The following TAFA5 variants were observed in gnomAD, a reference collection of about 807,000 sequenced individuals.
The protein encoded by TAFA5 is chemokine-like protein TAFA-5.
TAFA5 carries 6 observed loss-of-function variants against 15.3 expected under a neutral mutation model. The observed-to-expected ratio is 0.39, with a 90% CI of 0.21 to 0.77. TAFA5 has a LOEUF of 0.77. Ranked by LOEUF, TAFA5 falls within the 30% of genes least tolerant of loss-of-function variation. The pLI is 0.41. For synonymous variants in TAFA5, 103 were observed against 80.7 expected, an observed-to-expected ratio of 1.28 and a Z score of -1.48; for missense variants, 161 against 193.1, an observed-to-expected ratio of 0.83 and a Z score of 0.98.
At chr22:48,614,128 C>T (rs541048268) in intron 1 of TAFA5, among the ~76,000 whole-genome samples, 4 of 146,324 alleles carry the variant, frequency 2.7e-5, no homozygotes, top group Admixed American at 2.0e-4. Context: ...TACATCACCC[C>T]TGTCTGCTGG....
chr22:48,510,750 GAAC>G (rs1450376337), intron 1 of TAFA5, among the ~76,000 whole-genome samples: 1 of 152,234 alleles, frequency 6.6e-6, no homozygotes, highest in African/African-American at 2.4e-5. Context: ...CTGGCTTCAG[GAAC>G]AACATCAAGG....
rs1461284044 is a variant in TAFA5, at chr22:48,578,418, G to A, written c.113-68179G>A. ...CTAAAGGACTCTGTTTTTTGGCCAAGAAGAAAGAGTTTCTGTCTCCCAGAT... is the reference window on the plus strand; with the variant it reads ...CTAAAGGACTCTGTTTTTTGGCCAAAAAGAAAGAGTTTCTGTCTCCCAGAT... On this transcript the variant is annotated intron_variant, in intron 1 of 3. Coordinates refer to ENST00000402357, the MANE Select transcript of TAFA5 (RefSeq NM_001082967.3). Among the ~76,000 whole-genome samples the A allele has an allele frequency of 2.0e-5, 3 of 152,348 alleles. No homozygotes were observed. In the East Asian group the frequency reaches 5.8e-4, roughly 29 times the overall value.
At chr22:48,594,382 G>A (rs141550218) in intron 1 of TAFA5, among the ~76,000 whole-genome samples, 123 of 152,268 alleles carry the variant, frequency 8.1e-4, no homozygotes, top group African/African-American at 2.8e-3. Context: ...CTGAGCACCC[G>A]GTGCACATAG....
At chr22:48,703,948 T>C (rs1928997226) in intron 2 of TAFA5, among the ~76,000 whole-genome samples, 1 of 152,228 alleles carries the variant, frequency 6.6e-6, no homozygotes, top group Admixed American at 6.5e-5. Flanking sequence ...TCACTTCACC[T>C]GAGACAGCCC....
chr22:48,702,738 A>AG (rs1359154784), intron 2 of TAFA5, among the ~76,000 whole-genome samples: 2 of 152,162 alleles, frequency 1.3e-5, no homozygotes, highest in Non-Finnish European at 2.9e-5. Flanking sequence ...TTGCGACCAG[A>AG]GGGGAGGCCT....
At chr22:48,741,278 C>A (rs1039381868) in intron 3 of TAFA5, among the ~76,000 whole-genome samples, 1 of 151,634 alleles carries the variant, frequency 6.6e-6, no homozygotes, top group African/African-American at 2.4e-5. Context: ...AAGGTGGAGC[C>A]GTCCTCACCC....
At chr22:48,653,585 G>GT (rs1927132951) in intron 2 of TAFA5, among the ~76,000 whole-genome samples, 2 of 152,156 alleles carry the variant, frequency 1.3e-5, no homozygotes, top group African/African-American at 4.8e-5. Context: ...TCAGAGCCCA[G>GT]TTTTACCAGA....
At chr22:48,669,818 G>A (rs73175132) in intron 2 of TAFA5, among the ~76,000 whole-genome samples, 9,090 of 152,322 alleles carry the variant, frequency 0.06, 456 homozygotes, top group African/African-American at 0.14. Context: ...GCCCAGAGAC[G>A]TCAGTGCTTT....
At chr22:48,542,062 GGTGT>G (rs138410138) in intron 1 of TAFA5, among the ~76,000 whole-genome samples, 3 of 151,238 alleles carry the variant, frequency 2.0e-5, no homozygotes, top group Non-Finnish European at 1.5e-5. Context: ...GTGTGTGTGT[GGTGT>G]GTGTGTGCGT....
At chr22:48,710,894 A>G (rs1295126415) in intron 3 of TAFA5, among the ~76,000 whole-genome samples, 2 of 152,058 alleles carry the variant, frequency 1.3e-5, no homozygotes, top group Non-Finnish European at 2.9e-5. Context: ...GGTGAGCTGG[A>G]GTGACTGCTG....
At position 48,550,606 on chromosome 22, in the gene TAFA5, C is replaced by T. The variant is rs938047325; in HGVS notation, c.112+60902C>T. Among the ~76,000 whole-genome samples the T allele has an allele frequency of 6.6e-6, 1 of 152,266 alleles. No homozygotes were observed. Among genetic ancestry groups the T allele is most frequent in the South Asian group, 2.1e-4 (1 of 4,822 alleles). ...CCACGGTTCCTAGCAGGTTCCATCG[C>T]CTTCCGCACTTGATGCTGCTGGATC... On this transcript the variant is annotated intron_variant, in intron 1 of 3. Transcript: ENST00000402357. The surrounding 1 kb of genome is among the most constrained non-coding windows in gnomAD (Gnocchi z 4.1).
At chr22:48,628,373 C>T (rs536165834) in intron 1 of TAFA5, among the ~76,000 whole-genome samples, 3 of 152,336 alleles carry the variant, frequency 2.0e-5, no homozygotes, top group Non-Finnish European at 4.4e-5. Context: ...GCCCCCTTTG[C>T]CTCTGGAGTG....
chr22:48,677,418 A>G (rs1229175194), intron 2 of TAFA5, among the ~76,000 whole-genome samples: 1 of 152,216 alleles, frequency 6.6e-6, no homozygotes, highest in African/African-American at 2.4e-5. Context: ...ACGCGATTGC[A>G]GAAGGGACAT....
At chr22:48,690,569 C>A (rs1345481632) in intron 2 of TAFA5, among the ~76,000 whole-genome samples, 1 of 152,210 alleles carries the variant, frequency 6.6e-6, no homozygotes, top group Non-Finnish European at 1.5e-5. Context: ...CCTGCAGGCC[C>A]TTCCTGCCTG....
chr22:48,555,812 G>A (rs1923017494), intron 1 of TAFA5, among the ~76,000 whole-genome samples: 1 of 152,166 alleles, frequency 6.6e-6, no homozygotes, highest in Non-Finnish European at 1.5e-5. Flanking sequence ...TGGGGGCGCT[G>A]TGGCCGCTGG....
intron 1 of TAFA5, among the ~76,000 whole-genome samples, chr22:48,621,090 C>T (rs1486663436): frequency 2.0e-5 from 2 of 97,882 alleles, no homozygotes; most frequent in Non-Finnish European, 4.2e-5. Flanking sequence ...CCCACCCACC[C>T]AATCTACTAT....
At chr22:48,699,244 T>C (rs917099800) in intron 2 of TAFA5, among the ~76,000 whole-genome samples, 10 of 152,128 alleles carry the variant, frequency 6.6e-5, no homozygotes, top group African/African-American at 1.4e-4. Context: ...ACAACGCCTT[T>C]TAAGGGAAAG....
At chr22:48,652,070 G>A (rs1159233424) in intron 2 of TAFA5, among the ~76,000 whole-genome samples, 2 of 152,358 alleles carry the variant, frequency 1.3e-5, no homozygotes, top group Non-Finnish European at 2.9e-5. Context: ...GAGTGCAGGA[G>A]CAAAAGCCTT....
In TAFA5 at chr22:48,664,918, C is replaced by T. The variant is rs116879589; in HGVS notation, c.262+18172C>T. Among the ~76,000 whole-genome samples the T allele has an allele frequency of 2.5e-3, 380 of 152,272 alleles. 10 individuals are homozygous for T. The East Asian group carries it at 0.058, about 23-fold the overall frequency. ...TGTGAACATACTTGGTGCACGTCTCCGAGTGGCTGTGTCCACTGACTTATC... is the reference window on the plus strand; with the variant it reads ...TGTGAACATACTTGGTGCACGTCTCTGAGTGGCTGTGTCCACTGACTTATC... On this transcript the variant is annotated intron_variant, in intron 2 of 3. Coordinates refer to ENST00000402357, the MANE Select transcript of TAFA5 (RefSeq NM_001082967.3).
Sources: gnomAD v4.1 joint callset for allele counts (sites outside exome capture counted in the v4.1 genomes callset) on GRCh38, gnomAD v4.1.1 for gene constraint, Gnocchi (gnomAD v3.1) non-coding constraint, MANE v1.5 for transcripts, NCBI Gene and HGNC (gene_info 2026-07-23, HGNC 2026-07-21) for gene names.